Variants in NF1 observed in about 807,000 individuals in gnomAD.
NF1 encodes neurofibromin.
A neutral mutation model predicts 325.7 loss-of-function variants in NF1; 122 were observed. The ratio of observed to expected loss-of-function variants is 0.37; its 90% CI spans 0.32 to 0.44. The LOEUF (loss-of-function observed/expected upper bound fraction) is 0.44. Among genes scored for constraint, NF1 ranks in the 20% least tolerant of loss-of-function variants. NF1 has a pLI of 1.00. For missense variants in NF1, 2,140 were observed against 3,415.4 expected, an observed-to-expected ratio of 0.63 and a Z score of 9.31; for synonymous variants, 1,091 against 1,186.0, an observed-to-expected ratio of 0.92 and a Z score of 1.65.
chr17:31,134,307 CTTT>C (rs920207046), intron 1 of NF1, among the ~76,000 whole-genome samples: 15 of 152,100 alleles, frequency 9.9e-5, no homozygotes, highest in African/African-American at 1.7e-4. Flanking sequence ...CAATAATTGG[CTTT>C]TTATTTTTCA....
At chr17:31,202,864 T>C (rs1433606080) in intron 11 of NF1, among the ~76,000 whole-genome samples, 1 of 152,230 alleles carries the variant, frequency 6.6e-6, no homozygotes, top group Non-Finnish European at 1.5e-5. Context: ...CAAGGTTTAC[T>C]TTCAAGGCCA....
rs752195315 is a variant in NF1 at position 31,179,781 on chromosome 17, T to TA, written c.587-1626dup. Among the ~76,000 whole-genome samples, 745 of 139,032 alleles carry TA rather than the reference T, an allele frequency of 5.4e-3. 4 individuals carry two copies. The highest frequency in any genetic ancestry group is 0.015 in the African/African-American group (558 of 37,806). The allele number at this position is 139,032 out of a possible 152,430, so 91.2% of individuals were successfully genotyped here. On this transcript the variant is annotated intron_variant, in intron 5 of 57. Transcript: ENST00000358273. ...CTGGGCGACAGAGCAAGACTCTGTT[T>TA]AAAAAAAAAAAAAAATCAATGAATC...
At chr17:31,238,073 A>C (rs747016329) in intron 29 of NF1, among the ~76,000 whole-genome samples, 42 of 152,296 alleles carry the variant, frequency 2.8e-4, no homozygotes, top group Non-Finnish European at 5.7e-4. Flanking sequence ...CCAGGAGAAG[A>C]AGCTGCTGGA....
Position 31,304,505 on chromosome 17 carries a change from C to T in NF1, c.4836-21315C>T, listed in dbSNP as rs182462384. On this transcript the variant is annotated intron_variant, in intron 36 of 57. Coordinates refer to ENST00000358273, the MANE Select transcript of NF1 (RefSeq NM_001042492.3). The stretch of plus-strand genomic sequence containing the variant: ...AGAGATGGAGGGAGACTAGTAGAAT[C>T]ATTTGGAAGAGGAGATACAATTGTC... 6.2e-6 allele frequency: 10 copies of T among 1,614,136 alleles called. 1 individual carries two copies. In the African/African-American group the frequency reaches 1.1e-4, roughly 17 times the overall value.
intron 36 of NF1, among the ~76,000 whole-genome samples, chr17:31,312,973 G>A (rs1466018725): frequency 6.6e-6 from 1 of 152,054 alleles, no homozygotes; most frequent in African/African-American, 2.4e-5. Context: ...TAAAGTCTCA[G>A]ATAATGTGAC....
chr17:31,202,630 C>G (rs2066550473), intron 11 of NF1, among the ~76,000 whole-genome samples: 1 of 152,110 alleles, frequency 6.6e-6, no homozygotes, highest in African/African-American at 2.4e-5. Flanking sequence ...TGCTGCATCT[C>G]CCCATCCCTA....
At chr17:31,192,904 G>A (rs941888991) in intron 8 of NF1, among the ~76,000 whole-genome samples, 39 of 152,290 alleles carry the variant, frequency 2.6e-4, no homozygotes, top group African/African-American at 9.4e-4. Context: ...GTTTGGGCAA[G>A]TTAAAAAATC....
At chr17:31,172,809 T>A (rs1445171269) in intron 5 of NF1, among the ~76,000 whole-genome samples, 2 of 152,038 alleles carry the variant, frequency 1.3e-5, no homozygotes, top group African/African-American at 4.8e-5. Context: ...AATACCTTAA[T>A]CAGTATTTTA....
At chr17:31,294,790 GTTTAC>G in intron 36 of NF1, 1 of 592,854 alleles carries the variant, frequency 1.7e-6, no homozygotes, top group Non-Finnish European at 3.0e-6. Context: ...AAACTCATTA[GTTTAC>G]TTAATTAAGA....
At chr17:31,138,847 G>T (rs767698097) in intron 1 of NF1, among the ~76,000 whole-genome samples, 2 of 151,694 alleles carry the variant, frequency 1.3e-5, no homozygotes, top group Non-Finnish European at 2.9e-5. Flanking sequence ...CTCCCAAAGT[G>T]CTGGGATCAG....
intron 8 of NF1, among the ~76,000 whole-genome samples, chr17:31,191,213 C>A (rs1343959634): frequency 6.6e-6 from 1 of 151,818 alleles, no homozygotes; most frequent in East Asian, 1.9e-4. Flanking sequence ...AATATTAATC[C>A]ATAGATACAA....
intron 29 of NF1, among the ~76,000 whole-genome samples, chr17:31,236,676 C>G (rs1246951323): frequency 6.6e-6 from 1 of 151,202 alleles, no homozygotes. Flanking sequence ...GTCTCAAACT[C>G]CTGACCTCAG....
intron 5 of NF1, among the ~76,000 whole-genome samples, chr17:31,179,707 C>G (rs980462113): frequency 2.6e-5 from 4 of 151,696 alleles, no homozygotes; most frequent in Non-Finnish European, 5.9e-5. Context: ...GGCGTGCACC[C>G]GGGAGGCAGA....
At chr17:31,286,032 T>A (rs2068220468) in intron 36 of NF1, among the ~76,000 whole-genome samples, 1 of 152,328 alleles carries the variant, frequency 6.6e-6, no homozygotes, top group East Asian at 1.9e-4. Flanking sequence ...ATAGTTAATA[T>A]ACGAATATTT....
chr17:31,247,172 C>T (rs1277603322), intron 29 of NF1, among the ~76,000 whole-genome samples: 1 of 125,510 alleles, frequency 8.0e-6, no homozygotes, highest in Non-Finnish European at 1.6e-5. Flanking sequence ...TCCAGCCCGG[C>T]AACAGAGCAA....
At chr17:31,190,879 A>G (rs1295097412) in intron 8 of NF1, among the ~76,000 whole-genome samples, 4 of 152,178 alleles carry the variant, frequency 2.6e-5, no homozygotes, top group Non-Finnish European at 1.5e-5. Context: ...TGCCACACTA[A>G]TAAGGTGAGA....
intron 12 of NF1, among the ~76,000 whole-genome samples, chr17:31,212,014 A>G (rs1027224215): frequency 6.6e-6 from 1 of 152,168 alleles, no homozygotes; most frequent in African/African-American, 2.4e-5. Context: ...GTAGCTTTTA[A>G]AATATAAACT....
intron 1 of NF1, among the ~76,000 whole-genome samples, chr17:31,115,732 T>C (rs955359368): frequency 2.0e-5 from 3 of 152,154 alleles, no homozygotes; most frequent in Non-Finnish European, 4.4e-5. Flanking sequence ...CAAAGTCTTG[T>C]TGAGTAGTAT....
chr17:31,168,336 G>A (rs1468753006), intron 4 of NF1, among the ~76,000 whole-genome samples: 1 of 152,042 alleles, frequency 6.6e-6, no homozygotes, highest in African/African-American at 2.4e-5. Context: ...AGATTTTTAA[G>A]CATTTAACTA....
Sources: allele counts gnomAD v4.1 joint callset (sites outside exome capture counted in the v4.1 genomes callset), GRCh38; gene constraint gnomAD v4.1.1; transcripts MANE v1.5; gene names NCBI Gene and HGNC (gene_info 2026-07-23, HGNC 2026-07-21).